Variants in WDFY2 observed in about 807,000 individuals in gnomAD.
The protein encoded by WDFY2 is WD repeat and FYVE domain-containing protein 2.
In WDFY2, 36 loss-of-function variants were observed where a neutral mutation model predicts 56.4. That is an observed-to-expected ratio of 0.64 (90% confidence interval 0.49 to 0.84). The LOEUF is 0.84. Among genes scored for constraint, WDFY2 ranks in the 40% least tolerant of loss-of-function variants. WDFY2 has a pLI of 0.00. For missense variants in WDFY2, 444 were observed against 512.2 expected, an observed-to-expected ratio of 0.87 and a Z score of 1.29; for synonymous variants, 176 against 183.7, an observed-to-expected ratio of 0.96 and a Z score of 0.34.
At chr13:51,664,849 A>G (rs1284416814) in intron 2 of WDFY2, among the ~76,000 whole-genome samples, 1 of 152,214 alleles carries the variant, frequency 6.6e-6, no homozygotes, top group Non-Finnish European at 1.5e-5. Flanking sequence ...GGGCATGTAA[A>G]GAAGGAAAAC....
chr13:51,739,025 G>A (rs760828198), intron 6 of WDFY2, 24 bp from the exon 7 acceptor site: 6 of 1,541,938 alleles, frequency 3.9e-6, no homozygotes, highest in African/African-American at 1.4e-5. Flanking sequence ...TGTGACTGAT[G>A]TCTGGTTGTG....
chr13:51,649,351 G>A (rs928311214), intron 1 of WDFY2, among the ~76,000 whole-genome samples: 1 of 151,864 alleles, frequency 6.6e-6, no homozygotes, highest in African/African-American at 2.4e-5. Context: ...ATTTGGCCCT[G>A]TCCTGTTACT....
intron 3 of WDFY2, among the ~76,000 whole-genome samples, chr13:51,689,893 G>A (rs1956122774): frequency 6.6e-6 from 1 of 152,126 alleles, no homozygotes; most frequent in Non-Finnish European, 1.5e-5. Flanking sequence ...TCTGTGAGAT[G>A]AAAGCTATTT....
intron 3 of WDFY2, among the ~76,000 whole-genome samples, chr13:51,683,834 G>A (rs1956017154): frequency 6.6e-6 from 1 of 152,116 alleles, no homozygotes; most frequent in Admixed American, 6.5e-5. Context: ...GGGGTTTAGT[G>A]CTGGGGTTAA....
chr13:51,685,778 T>G (rs1956052270), intron 3 of WDFY2, among the ~76,000 whole-genome samples: 1 of 152,140 alleles, frequency 6.6e-6, no homozygotes, highest in African/African-American at 2.4e-5. Flanking sequence ...GTCTAGTAAA[T>G]AACATTTAAT....
intron 5 of WDFY2, among the ~76,000 whole-genome samples, chr13:51,721,711 C>A (rs757509563): frequency 1.3e-5 from 2 of 152,168 alleles, no homozygotes; most frequent in Non-Finnish European, 2.9e-5. Flanking sequence ...CCAGAAGATT[C>A]CCTGACCTCT....
intron 1 of WDFY2, 142 bp downstream of exon 1, chr13:51,584,966 G>A (rs895859351): frequency 6.2e-5 from 76 of 1,233,618 alleles, no homozygotes; most frequent in Non-Finnish European, 8.0e-5. Context: ...TCCTGGTGGT[G>A]CCGGTGTTCA....
intron 7 of WDFY2, among the ~76,000 whole-genome samples, chr13:51,750,284 G>T (rs1953200367): frequency 6.6e-6 from 1 of 152,070 alleles, no homozygotes; most frequent in Non-Finnish European, 1.5e-5. Context: ...TAATTTAAAA[G>T]GTATCGTAAT....
intron 2 of WDFY2, among the ~76,000 whole-genome samples, chr13:51,670,832 C>G (rs1400919978): frequency 6.6e-6 from 1 of 152,088 alleles, no homozygotes; most frequent in African/African-American, 2.4e-5. Context: ...TATCACCCGA[C>G]CAGTGTACCC....
intron 3 of WDFY2, among the ~76,000 whole-genome samples, chr13:51,684,714 C>G (rs1956033891): frequency 6.6e-6 from 1 of 152,144 alleles, no homozygotes; most frequent in Admixed American, 6.5e-5. Flanking sequence ...TTCCCTCTAA[C>G]CTCACGGTAT....
At chr13:51,696,920 A>C (rs983717946) in intron 3 of WDFY2, among the ~76,000 whole-genome samples, 1 of 152,224 alleles carries the variant, frequency 6.6e-6, no homozygotes, top group Non-Finnish European at 1.5e-5. Context: ...GTTCCGTGGA[A>C]TATGACAGAG....
intron 6 of WDFY2, among the ~76,000 whole-genome samples, chr13:51,732,343 C>T (rs1476038063): frequency 6.6e-6 from 1 of 152,072 alleles, no homozygotes; most frequent in Non-Finnish European, 1.5e-5. Flanking sequence ...GTTGGCCAGG[C>T]TCCTGACCTC....
chr13:51,741,779 T>C (rs1952980298), intron 7 of WDFY2, among the ~76,000 whole-genome samples: 1 of 152,232 alleles, frequency 6.6e-6, no homozygotes, highest in African/African-American at 2.4e-5. Context: ...TCAATATTAA[T>C]ATTCAGTATT....
chr13:51,654,662 A>C (rs537302264), intron 1 of WDFY2, among the ~76,000 whole-genome samples: 38 of 152,304 alleles, frequency 2.5e-4, no homozygotes, highest in Admixed American at 2.4e-3. Context: ...TGTTGCTTTT[A>C]AAATAACAAT....
At chr13:51,699,541 A>T (rs1951941938) in intron 3 of WDFY2, among the ~76,000 whole-genome samples, 1 of 152,234 alleles carries the variant, frequency 6.6e-6, no homozygotes, top group South Asian at 2.1e-4. Context: ...TTGAACAGAA[A>T]ATTCATAAAA....
intron 1 of WDFY2, among the ~76,000 whole-genome samples, chr13:51,630,795 A>T (rs1954937876): frequency 1.4e-5 from 2 of 139,778 alleles, no homozygotes; most frequent in Non-Finnish European, 1.5e-5. Context: ...CTCTTTTTTG[A>T]GACAGAGTTT....
intron 3 of WDFY2, among the ~76,000 whole-genome samples, chr13:51,702,072 G>A (rs1951996530): frequency 6.6e-6 from 1 of 152,116 alleles, no homozygotes. Context: ...AGCACTTTGG[G>A]AGGCCGAGGT....
At chr13:51,702,256 G>T (rs972443896) in intron 3 of WDFY2, among the ~76,000 whole-genome samples, 7 of 151,558 alleles carry the variant, frequency 4.6e-5, no homozygotes, top group Non-Finnish European at 2.9e-5. Context: ...AGGTTGCAGT[G>T]AGCCAGGATC....
chr13:51,758,278 C>G lies in WDFY2; in HGVS notation c.1151C>G (p.Ser384Cys). 6.3e-6 allele frequency: 10 copies of G among 1,595,200 alleles called. No homozygotes were observed. Among genetic ancestry groups the G allele is most frequent in the African/African-American group, 1.3e-5 (1 of 74,812 alleles). Residue 384 changes from serine (S) to cysteine (C), a missense_variant, in exon 11 of 12, where the codon TCT becomes TGT. Ser to Cys is a moderately radical substitution (Grantham distance 112). Transcript: ENST00000298125. Reference protein sequence around the residue: ...FDATRGWLLTSGTDKVIKLWD... With the variant: ...FDATRGWLLTCGTDKVIKLWD... ...GCAACCAGAGGATGGTTACTGACTT[C>G]TGGAACTGACAAGGTTATTAAGGTA...
Sources: gnomAD v4.1 joint callset for allele counts (sites outside exome capture counted in the v4.1 genomes callset) on GRCh38, gnomAD v4.1.1 for gene constraint, MANE v1.5 for transcripts, NCBI Gene and HGNC (gene_info 2026-07-23, HGNC 2026-07-21) for gene names.